The following USH2A variants were observed in gnomAD, a reference collection of about 807,000 sequenced individuals.
The protein encoded by USH2A is usherin, also known as Usher syndrome 2A (autosomal recessive, mild).
Under a neutral mutation model 538.9 loss-of-function variants are expected in USH2A, and 443 were observed. The observed-to-expected ratio is 0.82, with a 90% CI of 0.76 to 0.89. The LOEUF is 0.89. Among genes scored for constraint, USH2A ranks in the 40% least tolerant of loss-of-function variants. USH2A has a pLI of 0.00. For synonymous variants in USH2A, 2,413 were observed against 2,273.5 expected (o/e 1.06, Z -1.75); for missense variants, 6,633 against 6,324.8 (o/e 1.05, Z -1.65).
chr1:216,196,485 A>G, intron 19 of USH2A, 68 bp downstream of exon 19: 1 of 1,584,530 alleles, frequency 6.3e-7, no homozygotes, highest in Non-Finnish European at 8.7e-7. Flanking sequence ...GAATTCTGCA[A>G]ACTCAAAAAA....
chr1:215,889,773 C>A (rs1366868127), intron 40 of USH2A, among the ~76,000 whole-genome samples: 1 of 152,114 alleles, frequency 6.6e-6, no homozygotes. Flanking sequence ...GAAAAAGGCC[C>A]ACCATATGCC....
At chr1:215,771,963 G>GGATTACTA (rs1243461910) in intron 55 of USH2A, among the ~76,000 whole-genome samples, 1 of 152,092 alleles carries the variant, frequency 6.6e-6, no homozygotes, top group East Asian at 1.9e-4. Context: ...TTAGAGGACT[G>GGATTACTA]GATTACTAAT....
At chr1:215,930,244 T>C (rs1257472316) in intron 38 of USH2A, among the ~76,000 whole-genome samples, 6 of 152,038 alleles carry the variant, frequency 3.9e-5, no homozygotes, top group Non-Finnish European at 8.8e-5. Context: ...TGGAATAATA[T>C]AAAACTTTCA....
intron 27 of USH2A, among the ~76,000 whole-genome samples, chr1:216,075,438 C>T (rs1328766682): frequency 6.6e-6 from 1 of 152,154 alleles, no homozygotes; most frequent in African/African-American, 2.4e-5. Context: ...TTTCTTACTC[C>T]ACTACCCTTG....
At chr1:216,303,676 G>T (rs1195279844) in intron 9 of USH2A, among the ~76,000 whole-genome samples, 2 of 151,768 alleles carry the variant, frequency 1.3e-5, no homozygotes, top group Non-Finnish European at 1.5e-5. Flanking sequence ...ATTACTAATT[G>T]TTAGCCTGAA....
chr1:216,197,465 C>T (rs774048978), intron 18 of USH2A, among the ~76,000 whole-genome samples: 6 of 152,120 alleles, frequency 3.9e-5, no homozygotes, highest in Non-Finnish European at 5.9e-5. Flanking sequence ...TGCCTCATCA[C>T]TTGTGCTATC....
intron 65 of USH2A, among the ~76,000 whole-genome samples, chr1:215,649,272 T>A (rs1161758767): frequency 6.6e-6 from 1 of 152,228 alleles, no homozygotes; most frequent in African/African-American, 2.4e-5. Flanking sequence ...GGCTTGAAAG[T>A]CTATCTCTTC....
intron 61 of USH2A, among the ~76,000 whole-genome samples, chr1:215,717,000 T>C (rs1659506146): frequency 6.6e-6 from 1 of 152,204 alleles, no homozygotes; most frequent in African/African-American, 2.4e-5. Flanking sequence ...TCAAGCCAGT[T>C]ACATTACTTT....
intron 67 of USH2A, among the ~76,000 whole-genome samples, chr1:215,644,782 G>C (rs1224661008): frequency 6.6e-6 from 1 of 152,200 alleles, no homozygotes; most frequent in Non-Finnish European, 1.5e-5. Context: ...AGAGTAAGTG[G>C]AAGAGAGGAT....
chr1:215,789,512 A>G (rs112593163), intron 51 of USH2A, among the ~76,000 whole-genome samples: 98 of 152,312 alleles, frequency 6.4e-4, no homozygotes, highest in Non-Finnish European at 9.3e-4. Context: ...ATGGCTGTGT[A>G]CAAACCATCA....
At chr1:216,394,912 T>A (rs12045567) in intron 3 of USH2A, among the ~76,000 whole-genome samples, 1 of 151,240 alleles carries the variant, frequency 6.6e-6, no homozygotes. Context: ...TAGAGACGGG[T>A]TTTCACCGTG....
chr1:216,078,077 G>C lies in USH2A; in HGVS notation c.5572+12C>G. 2 of 1,613,456 alleles carry C rather than the reference G, an allele frequency of 1.2e-6. No individual in the cohort carries two copies. The highest frequency in any genetic ancestry group is 2.2e-5 in the South Asian group (2 of 91,072). Reference sequence around the variant, plus strand: ...CTGTATGGATTTGTGAATTCCTCCAGATGGAACTTACCTTGTTCCAAACAC... The same window carrying C: ...CTGTATGGATTTGTGAATTCCTCCACATGGAACTTACCTTGTTCCAAACAC... On this transcript the variant is annotated intron_variant, in intron 27 of 71. Coordinates refer to ENST00000307340, the MANE Select transcript of USH2A (RefSeq NM_206933.4).
At chr1:215,697,994 C>T (rs1658873851) in intron 61 of USH2A, among the ~76,000 whole-genome samples, 1 of 152,128 alleles carries the variant, frequency 6.6e-6, no homozygotes, top group African/African-American at 2.4e-5. Flanking sequence ...CAGCCCCTGA[C>T]AGGCCCCAGT....
At chr1:216,017,593 G>C (rs1668746184) in intron 32 of USH2A, among the ~76,000 whole-genome samples, 1 of 152,162 alleles carries the variant, frequency 6.6e-6, no homozygotes, top group African/African-American at 2.4e-5. Context: ...TTAGGCAACA[G>C]AAGTTAATAA....
At chr1:216,029,743 T>C (rs1010886458) in intron 32 of USH2A, among the ~76,000 whole-genome samples, 3 of 151,872 alleles carry the variant, frequency 2.0e-5, no homozygotes, top group South Asian at 2.1e-4. Flanking sequence ...TATGTACAAA[T>C]GAATAAGATA....
At chr1:215,707,769 T>G (rs1659220695) in intron 61 of USH2A, among the ~76,000 whole-genome samples, 1 of 152,314 alleles carries the variant, frequency 6.6e-6, no homozygotes, top group East Asian at 1.9e-4. Context: ...TTAGGAACTG[T>G]AATCCATTAG....
chr1:215,738,214 T>C (rs1272039592), intron 60 of USH2A, among the ~76,000 whole-genome samples: 1 of 152,036 alleles, frequency 6.6e-6, no homozygotes, highest in Non-Finnish European at 1.5e-5. Flanking sequence ...AAAGGGGGAA[T>C]ACTGAAGAAT....
At chr1:215,722,476 C>T (rs999327141) in intron 61 of USH2A, among the ~76,000 whole-genome samples, 8 of 152,174 alleles carry the variant, frequency 5.3e-5, no homozygotes, top group South Asian at 2.1e-4. Flanking sequence ...TTTACTCACA[C>T]ACTCTTCATA....
At chr1:216,162,403 A>G (rs1268311465) in intron 21 of USH2A, among the ~76,000 whole-genome samples, 3 of 151,724 alleles carry the variant, frequency 2.0e-5, no homozygotes, top group Non-Finnish European at 4.4e-5. Context: ...CTTTCTGTCC[A>G]CCTTGTCCTT....
Sources: gnomAD v4.1 joint callset for allele counts (sites outside exome capture counted in the v4.1 genomes callset) on GRCh38, gnomAD v4.1.1 for gene constraint, MANE v1.5 for transcripts, NCBI Gene and HGNC (gene_info 2026-07-23, HGNC 2026-07-21) for gene names.